The following ZC3H7B variants were observed in gnomAD, a reference collection of about 807,000 sequenced individuals.
The protein encoded by ZC3H7B is zinc finger CCCH domain-containing protein 7B.
In ZC3H7B, 35 loss-of-function variants were observed where a neutral mutation model predicts 116.0. The ratio of observed to expected loss-of-function variants is 0.30; its 90% CI spans 0.23 to 0.40. ZC3H7B has a LOEUF of 0.40. ZC3H7B is among the 10% of genes least tolerant of loss of function. The pLI, the probability that ZC3H7B is intolerant of heterozygous loss-of-function variation, is 1.00. For missense variants in ZC3H7B, 1,011 were observed against 1,321.5 expected (o/e 0.77, Z 3.64); for synonymous variants, 502 against 545.6 (o/e 0.92, Z 1.11).
chr22:41,337,390 C>A (rs1332261492), intron 7 of ZC3H7B, among the ~76,000 whole-genome samples: 2 of 151,986 alleles, frequency 1.3e-5, no homozygotes, highest in African/African-American at 4.8e-5. Flanking sequence ...GTTCTAAGCA[C>A]TTCACACATA....
At chr22:41,330,642 A>C (rs1230992194) in intron 6 of ZC3H7B, among the ~76,000 whole-genome samples, 2 of 152,112 alleles carry the variant, frequency 1.3e-5, no homozygotes, top group Non-Finnish European at 2.9e-5. Flanking sequence ...TGGGAGGATT[A>C]AAAAGAGAGA....
At position 41,342,535 on chromosome 22, in the gene ZC3H7B, C is replaced by T. The variant is rs1476989139; in HGVS notation, c.1204C>T (p.Pro402Ser). The change falls in exon 12 of 23, where the codon CCC (proline) becomes TCC (serine). Residue 402 changes from proline to serine, a missense_variant. By Grantham distance (74) the Pro-to-Ser change is moderately conservative (BLOSUM62 -1). Around this residue, in one of 5 missense-constraint regions of ZC3H7B, gnomAD observed 99 missense variants for 89.5 expected, o/e 1.11. Coordinates refer to ENST00000352645, the MANE Select transcript of ZC3H7B (RefSeq NM_017590.6). ...CTCCTTCCTCCTGTCACAGCCAGAG[C>T]CCTGCATGCCCAACACTGCCTTGCT... ...GAQKPAPSPE[P>S]CMPNTALLIK... 2 of 1,612,912 alleles carry T rather than the reference C, an allele frequency of 1.2e-6. No homozygotes were observed. The highest frequency in any genetic ancestry group is 1.7e-5 in the Admixed American group (1 of 60,010).
At chr22:41,355,653 C>T (rs377385016) in intron 18 of ZC3H7B, 51 bp downstream of exon 18, 181 of 1,612,350 alleles carry the variant, frequency 1.1e-4, no homozygotes, top group Non-Finnish European at 1.5e-4. Flanking sequence ...CACCCTACCA[C>T]CACAGGTGTG....
intron 14 of ZC3H7B, 38 bp from the exon 15 acceptor site, chr22:41,348,028 TG>T: frequency 6.3e-7 from 1 of 1,579,688 alleles, no homozygotes; most frequent in Non-Finnish European, 8.7e-7. Context: ...CCTTCCCAGG[TG>T]GCCATGCCAG....
chr22:41,349,275 A>C lies in ZC3H7B; in HGVS notation c.1922A>C (p.Lys641Thr). The change falls in exon 16 of 23, where the codon AAG becomes ACG. Residue 641 changes from lysine to threonine, a missense_variant. Transcript: ENST00000352645. The surrounding 1 kb of genome is among the most constrained non-coding windows in gnomAD (Gnocchi z 4.9). ...CHFAHSFIEL[K>T]VWLLQQYSGM... ...TTCGCCCACAGCTTCATCGAGCTCA[A>C]GGTCTGGCTGCTGCAGCAGTACTCA... The C allele has an allele frequency of 6.2e-7, 1 of 1,613,650 alleles. No individual in the cohort carries two copies. Among genetic ancestry groups the C allele is most frequent in the Non-Finnish European group, 8.5e-7 (1 of 1,179,960 alleles).
At chr22:41,303,317 G>A (rs532256381) in intron 1 of ZC3H7B, among the ~76,000 whole-genome samples, 1 of 152,178 alleles carries the variant, frequency 6.6e-6, no homozygotes, top group Non-Finnish European at 1.5e-5. Context: ...TAAAGTTTCT[G>A]TTCTGTAGAT....
intron 4 of ZC3H7B, among the ~76,000 whole-genome samples, chr22:41,326,612 TTCCTCC>T (rs1166847950): frequency 6.6e-6 from 1 of 151,968 alleles, no homozygotes; most frequent in African/African-American, 2.4e-5. Context: ...CTTCAGTGCC[TTCCTCC>T]TCCTCCTCCT....
At chr22:41,345,477 C>T (rs1011637228) in intron 13 of ZC3H7B, among the ~76,000 whole-genome samples, 1 of 152,018 alleles carries the variant, frequency 6.6e-6, no homozygotes, top group East Asian at 1.9e-4. Flanking sequence ...CCCAGCTACT[C>T]GGGAGGCTGA....
chr22:41,330,930 G>A lies in ZC3H7B; in HGVS notation c.525+827G>A, dbSNP rs1242220394. On this transcript the variant is annotated intron_variant, in intron 6 of 22. Coordinates refer to ENST00000352645, the MANE Select transcript of ZC3H7B (RefSeq NM_017590.6). Reference sequence around the variant, plus strand: ...GGCTGTAGTGCTGGAGTGCAGTGGCGCGATCTCAGCTCACTGCAAGCTCCG... The same window carrying A: ...GGCTGTAGTGCTGGAGTGCAGTGGCACGATCTCAGCTCACTGCAAGCTCCG... Among the ~76,000 whole-genome samples, 10 of 145,852 alleles carry A rather than the reference G, an allele frequency of 6.9e-5. No homozygotes were observed. The South Asian group carries it at 1.1e-3, about 17-fold the overall frequency.
chr22:41,356,848 G>A (rs1882728640), intron 22 of ZC3H7B, 40 bp downstream of exon 22: 1 of 1,610,708 alleles, frequency 6.2e-7, no homozygotes, highest in Non-Finnish European at 8.5e-7. Flanking sequence ...ACATGGGGTG[G>A]CCCGAGGAGA....
intron 12 of ZC3H7B, 132 bp downstream of exon 12, chr22:41,342,760 G>A: frequency 3.2e-6 from 3 of 923,358 alleles, no homozygotes; most frequent in Non-Finnish European, 4.8e-6. Context: ...CCCCTCTGGG[G>A]CAGAAAAGGA....
intron 1 of ZC3H7B, among the ~76,000 whole-genome samples, chr22:41,312,016 G>C (rs533325863): frequency 6.6e-6 from 1 of 152,160 alleles, no homozygotes; most frequent in South Asian, 2.1e-4. Flanking sequence ...GTTGCTTCTA[G>C]TTTTCCACTT....
At chr22:41,354,081 G>GCCACCTGGT (rs1248809692) in intron 17 of ZC3H7B, among the ~76,000 whole-genome samples, 2 of 152,212 alleles carry the variant, frequency 1.3e-5, no homozygotes, top group Admixed American at 1.3e-4. Context: ...GCTATGGCAA[G>GCCACCTGGT]GAGCTGGTGA....
At position 41,338,483 on chromosome 22, in the gene ZC3H7B, C is replaced by G; in HGVS notation, c.625+128C>G. 1 of 955,746 alleles carries G rather than the reference C, an allele frequency of 1.0e-6. No individual in the cohort carries two copies. Among genetic ancestry groups the G allele is most frequent in the Non-Finnish European group, 1.6e-6 (1 of 626,088 alleles). 59.2% of individuals were successfully genotyped at this position (955,746 alleles called of 1,614,324 possible). ...GAGGGGTTCCCCACCCTGGTACTCC[C>G]TGAGGCATGGGAGAAAACAGTGGGT... is the stretch of plus-strand genomic sequence containing the variant. On this transcript the variant is annotated intron_variant, in intron 8 of 22. Coordinates refer to ENST00000352645, the MANE Select transcript of ZC3H7B (RefSeq NM_017590.6). This position sits in a 1 kb window ranked among gnomAD's most constrained non-coding sequence, Gnocchi z 4.5.
Position 41,326,235 on chromosome 22 carries a change from TCTC to T in ZC3H7B, c.285+320_285+322del, listed in dbSNP as rs539076655. Among the ~76,000 whole-genome samples, 365 of 152,272 alleles carry T rather than the reference TCTC, an allele frequency of 2.4e-3. 3 individuals carry two copies. Among genetic ancestry groups the T allele is most frequent in the Non-Finnish European group, 4.3e-3 (295 of 68,016 alleles). On this transcript the variant is annotated intron_variant, in intron 4 of 22. Coordinates refer to ENST00000352645, the MANE Select transcript of ZC3H7B (RefSeq NM_017590.6). ...CCTGGGCCTTGGTGGGAGTCTGACTTCTCCTGCTCCTCCCTCCCGGCCCCACTG... is the reference window on the plus strand; with the variant it reads ...CCTGGGCCTTGGTGGGAGTCTGACTTCTGCTCCTCCCTCCCGGCCCCACTG...
At chr22:41,348,237 G>C (rs1428989282) in intron 15 of ZC3H7B, 70 bp downstream of exon 15, 1 of 1,382,902 alleles carries the variant, frequency 7.2e-7, no homozygotes, top group Non-Finnish European at 1.0e-6. Flanking sequence ...AGCTCAGATG[G>C]CTGAGGAAAG....
At position 41,351,667 on chromosome 22, in the gene ZC3H7B, G is replaced by A; in HGVS notation, c.2034+21G>A. 3.1e-6 allele frequency: 5 copies of A among 1,607,034 alleles called. No homozygotes were observed. The highest frequency in any genetic ancestry group is 4.2e-6 in the Non-Finnish European group (5 of 1,177,200). On this transcript the variant is annotated intron_variant, in intron 17 of 22. Coordinates refer to ENST00000352645, the MANE Select transcript of ZC3H7B (RefSeq NM_017590.6). The surrounding 1 kb of genome is among the most constrained non-coding windows in gnomAD (Gnocchi z 5.1). The stretch of plus-strand genomic sequence containing the variant: ...GCATGGTAAGGCCTTCTGATACTAT[G>A]CCATTATTCAGATTTTGTGAATTGT...
chr22:41,349,612 T>C lies in ZC3H7B; in HGVS notation c.1948+311T>C, dbSNP rs549452756. The stretch of plus-strand genomic sequence containing the variant: ...TGGGCTCCTGCAGCAGGACCTCTGC[T>C]TGCTCCCTGGGTGGTCGGCAGCAAG... On this transcript the variant is annotated intron_variant, in intron 16 of 22. Transcript: ENST00000352645. The surrounding 1 kb of genome is among the most constrained non-coding windows in gnomAD (Gnocchi z 4.9). 6.6e-6 allele frequency among the ~76,000 whole-genome samples: 1 copy of C among 152,260 alleles called. No individual in the cohort carries two copies. Among genetic ancestry groups the C allele is most frequent in the South Asian group, 2.1e-4 (1 of 4,824 alleles).
At position 41,356,632 on chromosome 22, in the gene ZC3H7B, G is replaced by C. The variant is rs1314652511; in HGVS notation, c.2518-13G>C. 1 of 1,613,212 alleles carries C rather than the reference G, an allele frequency of 6.2e-7. No individual in the cohort carries two copies. The highest frequency in any genetic ancestry group is 1.1e-5 in the South Asian group (1 of 91,076). On this transcript the variant is annotated splice_polypyrimidine_tract_variant and intron_variant, in intron 21 of 22. Transcript: ENST00000352645. ...TGTGGGGGAGCAGGCACCCATGATG[G>C]CTGTGCTCCCAGATGGGCTACCACT...
Sources: allele counts gnomAD v4.1 joint callset (sites outside exome capture counted in the v4.1 genomes callset), GRCh38; gene constraint gnomAD v4.1.1; regional missense constraint gnomAD v4.1.1; non-coding constraint Gnocchi (gnomAD v3.1); transcripts MANE v1.5; gene names NCBI Gene and HGNC (gene_info 2026-07-23, HGNC 2026-07-21).